The following C21orf58 variants were observed in gnomAD, a reference collection of about 807,000 sequenced individuals.
C21orf58 encodes uncharacterized protein C21orf58.
A neutral mutation model predicts 35.8 loss-of-function variants in C21orf58; 34 were observed. The ratio of observed to expected loss-of-function variants is 0.95; its 90% CI spans 0.72 to 1.26. The LOEUF (loss-of-function observed/expected upper bound fraction) is 1.26. C21orf58 is among the 50% of genes most tolerant of loss of function. C21orf58 has a pLI of 0.00. For missense variants in C21orf58, 440 were observed against 414.3 expected, an observed-to-expected ratio of 1.06 and a Z score of -0.54; for synonymous variants, 191 against 175.8, an observed-to-expected ratio of 1.09 and a Z score of -0.68.
intron 6 of C21orf58, among the ~76,000 whole-genome samples, chr21:46,307,362 T>G (rs565543597): frequency 2.6e-4 from 39 of 152,150 alleles, no homozygotes; most frequent in Admixed American, 2.1e-3. Flanking sequence ...CATACAAGCA[T>G]AGGCACACAC....
rs1017794194 is a variant in C21orf58 at position 46,323,339 on chromosome 21, G to A, written c.-601C>T. ...CCTCATGCGACGTCAGTTTCCCCCT[G>A]GGACCACGAACCCACGGCCCCATTT... On this transcript the variant is annotated 5_prime_UTR_variant, in exon 1 of 8. Coordinates refer to ENST00000291691, the MANE Select transcript of C21orf58 (RefSeq NM_058180.5). 2.6e-5 allele frequency: 4 copies of A among 152,276 alleles called. No individual in the cohort carries two copies. Among genetic ancestry groups the A allele is most frequent in the African/African-American group, 7.2e-5 (3 of 41,446 alleles). 9.4% of individuals were successfully genotyped at this position (152,276 alleles called of 1,614,324 possible).
intron 1 of C21orf58, among the ~76,000 whole-genome samples, chr21:46,319,804 G>T (rs775280960): frequency 1.8e-4 from 27 of 152,020 alleles, no homozygotes; most frequent in Non-Finnish European, 3.4e-4. Context: ...GGCTGAGGCA[G>T]GAGAATTGCT....
rs2082109174 is a variant in C21orf58, at chr21:46,301,556, G to A, written c.*443C>T. 1.0e-6 allele frequency: 1 copy of A among 990,420 alleles called. No homozygotes were observed. The highest frequency in any genetic ancestry group is 1.2e-6 in the Non-Finnish European group (1 of 833,442). 61.4% of individuals were successfully genotyped at this position (990,420 alleles called of 1,614,324 possible). ...ATGTTCACACTTCCATGTGGCTAAAGCTATTGATCTTTTCTGTTCTGGCTC... is the reference window on the plus strand; with the variant it reads ...ATGTTCACACTTCCATGTGGCTAAAACTATTGATCTTTTCTGTTCTGGCTC... On this transcript the variant is annotated 3_prime_UTR_variant, in exon 8 of 8. Coordinates refer to ENST00000291691, the MANE Select transcript of C21orf58 (RefSeq NM_058180.5).
chr21:46,315,941 C>G (rs2082960713), intron 3 of C21orf58, among the ~76,000 whole-genome samples: 1 of 152,132 alleles, frequency 6.6e-6, no homozygotes, highest in South Asian at 2.1e-4. Flanking sequence ...CCCTCTGGCC[C>G]CAAGTGGTCT....
chr21:46,310,274 C>T (rs1046646242), intron 6 of C21orf58, among the ~76,000 whole-genome samples: 8 of 152,030 alleles, frequency 5.3e-5, no homozygotes, highest in East Asian at 3.9e-4. Context: ...GTCAGGAGTT[C>T]GAGACCAGCC....
At chr21:46,312,066 C>T (rs964811351) in intron 5 of C21orf58, among the ~76,000 whole-genome samples, 76 of 148,302 alleles carry the variant, frequency 5.1e-4, no homozygotes, top group African/African-American at 1.7e-4. Context: ...CAACCACCCA[C>T]CCATCCATCC....
rs113368139 is a variant in C21orf58 at position 46,322,488 on chromosome 21, C to G, written c.100+151G>C. 8.0e-5 allele frequency: 102 copies of G among 1,272,906 alleles called. No individual in the cohort carries two copies. The African/African-American group carries it at 1.3e-3, about 17-fold the overall frequency. The allele number at this position is 1,272,906 out of a possible 1,614,324, so 78.9% of individuals were successfully genotyped here. On this transcript the variant is annotated intron_variant, in intron 1 of 7. Coordinates refer to ENST00000291691, the MANE Select transcript of C21orf58 (RefSeq NM_058180.5). ...TTCAGGCGCGGTCTGGGTCTCTGTT[C>G]CTGGAAAGTGTGATCCTGTGGGTGC...
At chr21:46,314,177 A>C (rs956111304) in intron 5 of C21orf58, among the ~76,000 whole-genome samples, 3 of 143,544 alleles carry the variant, frequency 2.1e-5, no homozygotes, top group African/African-American at 5.1e-5. Flanking sequence ...TTCTGGGCTC[A>C]AGCGATTCTC....
intron 7 of C21orf58, 62 bp downstream of exon 7, chr21:46,302,423 A>G: frequency 1.5e-6 from 2 of 1,360,288 alleles, no homozygotes; most frequent in Non-Finnish European, 1.0e-6. Flanking sequence ...AGAAATTTCC[A>G]GAAGAAAAAC....
In C21orf58 at chr21:46,312,974, T is replaced by C. The variant is rs910655786; in HGVS notation, c.610-1407A>G. On this transcript the variant is annotated intron_variant, in intron 5 of 7. Transcript: ENST00000291691. ...TAAATTATAGCCAAATATTCGAGCA[T>C]GAAAGGCCTTCTGTTTTATCCTCTT... is the stretch of plus-strand genomic sequence containing the variant. 7.1e-6 allele frequency: 7 copies of C among 985,238 alleles called. 1 individual carries two copies. The highest frequency in any genetic ancestry group is 2.4e-6 in the Non-Finnish European group (2 of 829,734). The allele number at this position is 985,238 out of a possible 1,614,324, so 61.0% of individuals were successfully genotyped here.
chr21:46,322,125 C>G (rs997041910), intron 1 of C21orf58, among the ~76,000 whole-genome samples: 7 of 151,938 alleles, frequency 4.6e-5, no homozygotes, highest in African/African-American at 1.7e-4. Context: ...CCTGTGTCTA[C>G]TAAAAATACA....
Position 46,301,593 on chromosome 21 carries a change from T to G in C21orf58, c.*406A>C. On this transcript the variant is annotated 3_prime_UTR_variant, in exon 8 of 8. Transcript: ENST00000291691. ...TTCTGTTCTGGCTCCTGAGCTGAGA[T>G]TTTCTTAAACTCTTTCTGGATGAAA... 1.0e-6 allele frequency: 1 copy of G among 1,004,348 alleles called. No individual in the cohort carries two copies. The highest frequency in any genetic ancestry group is 1.2e-6 in the Non-Finnish European group (1 of 842,886). 62.2% of individuals were successfully genotyped at this position (1,004,348 alleles called of 1,614,324 possible).
intron 5 of C21orf58, chr21:46,313,051 A>G (rs2082810347): frequency 1.1e-5 from 11 of 985,452 alleles, no homozygotes; most frequent in Non-Finnish European, 1.3e-5. Flanking sequence ...GTTCACAGAA[A>G]GGACGGCAGA....
Position 46,323,041 on chromosome 21 carries a change from G to T in C21orf58, c.-303C>A, listed in dbSNP as rs912448701. The stretch of plus-strand genomic sequence containing the variant: ...CATGAAATAAAGGGGTTAGCTGAAG[G>T]AATACTCCACAGTTAAGGACGGCCT... On this transcript the variant is annotated 5_prime_UTR_variant, in exon 1 of 8. Transcript: ENST00000291691. 3.5e-5 allele frequency: 8 copies of T among 227,328 alleles called. No individual in the cohort carries two copies. The highest frequency in any genetic ancestry group is 5.9e-5 in the Non-Finnish European group (7 of 117,752). The allele number at this position is 227,328 out of a possible 1,614,324, so 14.1% of individuals were successfully genotyped here.
chr21:46,314,700 G>A lies in C21orf58; in HGVS notation c.609+16C>T, dbSNP rs761935556. ...CCTCCCACTCTCAGATGTGCTCCTC[G>A]ACTTCGCCCTCTTACCGTAGGCAGG... On this transcript the variant is annotated intron_variant, in intron 5 of 7. Coordinates refer to ENST00000291691, the MANE Select transcript of C21orf58 (RefSeq NM_058180.5). 2.8e-6 allele frequency: 4 copies of A among 1,433,706 alleles called. No homozygotes were observed. Among genetic ancestry groups the A allele is most frequent in the South Asian group, 1.5e-5 (1 of 67,556 alleles). 88.8% of individuals were successfully genotyped at this position (1,433,706 alleles called of 1,614,324 possible).
At position 46,315,460 on chromosome 21, in the gene C21orf58, G is replaced by A. The variant is rs374616450; in HGVS notation, c.444+14C>T. The A allele has an allele frequency of 1.2e-5, 18 of 1,542,388 alleles. No homozygotes were observed. The highest frequency in any genetic ancestry group is 1.6e-5 in the Non-Finnish European group (18 of 1,114,910). ...TGAGCTCAGCCAGGTTCGCTCAGAG[G>A]GTGCAGGGCCTACCCGGAGTCTCTG... On this transcript the variant is annotated intron_variant, in intron 4 of 7. Coordinates refer to ENST00000291691, the MANE Select transcript of C21orf58 (RefSeq NM_058180.5).
intron 3 of C21orf58, among the ~76,000 whole-genome samples, chr21:46,316,573 A>G (rs2146091122): frequency 6.6e-6 from 1 of 152,176 alleles, no homozygotes; most frequent in Admixed American, 6.5e-5. Context: ...CCTGCCCCTC[A>G]CCCAGCATCA....
chr21:46,317,782 C>T (rs889319087), intron 2 of C21orf58, among the ~76,000 whole-genome samples: 1 of 152,216 alleles, frequency 6.6e-6, no homozygotes, highest in African/African-American at 2.4e-5. Flanking sequence ...CACCGAGGCT[C>T]CCCAGACCCT....
intron 6 of C21orf58, among the ~76,000 whole-genome samples, chr21:46,303,729 ATATATATATATATATATTTTTTTTTTTT>A (rs2082254476): frequency 1.1e-4 from 3 of 27,182 alleles, no homozygotes; most frequent in East Asian, 6.1e-4. Flanking sequence ...ATATATATAT[ATATATATATATATATATTTTTTTTTTTT>A]TTTTTTTTTT....
Sources: allele counts gnomAD v4.1 joint callset (sites outside exome capture counted in the v4.1 genomes callset), GRCh38; gene constraint gnomAD v4.1.1; transcripts MANE v1.5; gene names NCBI Gene and HGNC (gene_info 2026-07-23, HGNC 2026-07-21).